The following THSD7B variants were observed in gnomAD, a reference collection of about 807,000 sequenced individuals.
THSD7B encodes thrombospondin type 1 domain containing 7B.
A neutral mutation model predicts 213.6 loss-of-function variants in THSD7B; 138 were observed. The observed-to-expected ratio is 0.65, with a 90% CI of 0.56 to 0.74. The LOEUF (loss-of-function observed/expected upper bound fraction) is 0.74. Ranked by LOEUF, THSD7B falls within the 30% of genes least tolerant of loss-of-function variation. The pLI is 0.00. For synonymous variants in THSD7B, 742 were observed against 687.0 expected (o/e 1.08, Z -1.25); for missense variants, 1,931 against 1,991.5 (o/e 0.97, Z 0.58).
At chr2:137,197,685 C>T (rs1418979892) in intron 7 of THSD7B, among the ~76,000 whole-genome samples, 2 of 152,088 alleles carry the variant, frequency 1.3e-5, no homozygotes, top group East Asian at 1.9e-4. Context: ...TCAGAGAGGA[C>T]AGAAAGAATC....
chr2:137,034,523 C>T lies in THSD7B; in HGVS notation c.140-21897C>T, dbSNP rs115783542. Among the ~76,000 whole-genome samples, 680 of 152,164 alleles carry T rather than the reference C, an allele frequency of 4.5e-3. 3 individuals are homozygous for T. The highest frequency in any genetic ancestry group is 0.015 in the African/African-American group (633 of 41,516). On this transcript the variant is annotated intron_variant, in intron 2 of 27. Transcript: ENST00000409968. ...AAGTGGTTTGCTGCACTTATTAACC[C>T]GTCATCTAGGTTTTAAGCCCTGCAT... is the stretch of plus-strand genomic sequence containing the variant.
In THSD7B at chr2:137,513,111, C is replaced by T. The variant is rs147017897; in HGVS notation, c.3139-50110C>T. 7.0e-4 allele frequency among the ~76,000 whole-genome samples: 106 copies of T among 152,326 alleles called. 1 individual carries two copies. Among genetic ancestry groups the T allele is most frequent in the African/African-American group, 2.4e-3 (99 of 41,582 alleles). On this transcript the variant is annotated intron_variant, in intron 15 of 27. Coordinates refer to ENST00000409968, the MANE Select transcript of THSD7B (RefSeq NM_001316349.2). ...TCAAACTTTATCGCATTAAATAACT[C>T]AGGTTCTCTAAGCCTTTGGGGCGTA...
At chr2:137,218,175 C>T (rs1479806776) in intron 7 of THSD7B, among the ~76,000 whole-genome samples, 1 of 152,034 alleles carries the variant, frequency 6.6e-6, no homozygotes, top group African/African-American at 2.4e-5. Flanking sequence ...ATTTCATGGA[C>T]ATGTTTCTTT....
At chr2:136,972,792 A>G (rs1478226769) in intron 2 of THSD7B, among the ~76,000 whole-genome samples, 1 of 152,176 alleles carries the variant, frequency 6.6e-6, no homozygotes, top group East Asian at 1.9e-4. Context: ...GAGATGTTGT[A>G]AAATCTCAGT....
chr2:137,488,558 G>T (rs1558813344), intron 15 of THSD7B, among the ~76,000 whole-genome samples: 1 of 152,168 alleles, frequency 6.6e-6, no homozygotes, highest in African/African-American at 2.4e-5. Context: ...GAAATTAGAA[G>T]TAGAGGTTCT....
chr2:137,551,004 AAAAT>A (rs1047803863), intron 15 of THSD7B, among the ~76,000 whole-genome samples: 9 of 151,734 alleles, frequency 5.9e-5, no homozygotes, highest in Admixed American at 1.3e-4. Flanking sequence ...TTAAAATATT[AAAAT>A]AAATAAATAA....
intron 12 of THSD7B, among the ~76,000 whole-genome samples, chr2:137,323,074 AC>A (rs1684294933): frequency 6.6e-6 from 1 of 152,168 alleles, no homozygotes; most frequent in African/African-American, 2.4e-5. Flanking sequence ...CAGTCAACAT[AC>A]AGTGTAGTAG....
chr2:137,367,945 G>T (rs1327695128), intron 12 of THSD7B, among the ~76,000 whole-genome samples: 1 of 152,054 alleles, frequency 6.6e-6, no homozygotes, highest in Non-Finnish European at 1.5e-5. Flanking sequence ...GGGGTTTAGG[G>T]ATACAACTAA....
chr2:137,557,226 C>G (rs1431674701), intron 15 of THSD7B, among the ~76,000 whole-genome samples: 1 of 152,186 alleles, frequency 6.6e-6, no homozygotes, highest in Non-Finnish European at 1.5e-5. Flanking sequence ...CACCCCAAAT[C>G]AACAGAATAT....
At chr2:137,092,623 G>T (rs1687969629) in intron 3 of THSD7B, among the ~76,000 whole-genome samples, 1 of 151,930 alleles carries the variant, frequency 6.6e-6, no homozygotes, top group South Asian at 2.1e-4. Context: ...AGTTAGAAAT[G>T]AAACAATTTA....
At chr2:137,196,912 C>G (rs181345908) in intron 7 of THSD7B, among the ~76,000 whole-genome samples, 1 of 152,086 alleles carries the variant, frequency 6.6e-6, no homozygotes, top group Non-Finnish European at 1.5e-5. Flanking sequence ...CAAAGATCAG[C>G]GGTAATAGGG....
intron 4 of THSD7B, among the ~76,000 whole-genome samples, chr2:137,103,792 G>A (rs1425889464): frequency 2.6e-5 from 4 of 151,966 alleles, no homozygotes; most frequent in African/African-American, 2.4e-5. Context: ...TCAAAGAAGG[G>A]CATTACGTAA....
intron 12 of THSD7B, among the ~76,000 whole-genome samples, chr2:137,280,480 G>A (rs910980000): frequency 5.3e-5 from 8 of 152,096 alleles, no homozygotes; most frequent in African/African-American, 1.9e-4. Flanking sequence ...TTGCTGACCT[G>A]TTTAATTGGT....
chr2:136,841,615 G>A, intron 1 of THSD7B, among the ~76,000 whole-genome samples: 1 of 144,592 alleles, frequency 6.9e-6, no homozygotes, highest in African/African-American at 2.6e-5. Context: ...AAAAAAAAGA[G>A]GAAAAGAAAA....
intron 5 of THSD7B, among the ~76,000 whole-genome samples, chr2:137,123,074 C>T (rs557802813): frequency 6.6e-6 from 1 of 152,314 alleles, no homozygotes; most frequent in East Asian, 1.9e-4. Context: ...TGTGAACCTT[C>T]TCACCCTCCT....
chr2:137,433,535 G>T (rs1687230262), intron 14 of THSD7B, among the ~76,000 whole-genome samples: 2 of 151,762 alleles, frequency 1.3e-5, no homozygotes, highest in South Asian at 4.2e-4. Flanking sequence ...TGTATATTTT[G>T]TAGAGACAGG....
chr2:136,772,258 C>T (rs769757347), intron 1 of THSD7B, among the ~76,000 whole-genome samples: 1 of 152,118 alleles, frequency 6.6e-6, no homozygotes, highest in Non-Finnish European at 1.5e-5. Context: ...AACACACACA[C>T]TTACCTACTG....
intron 5 of THSD7B, among the ~76,000 whole-genome samples, chr2:137,154,709 C>A (rs1281031205): frequency 6.6e-6 from 1 of 152,060 alleles, no homozygotes; most frequent in African/African-American, 2.4e-5. Flanking sequence ...ACTCATTTTT[C>A]TTTACAATGG....
chr2:137,183,251 C>T (rs1166200961), intron 7 of THSD7B, among the ~76,000 whole-genome samples: 1 of 152,056 alleles, frequency 6.6e-6, no homozygotes, highest in Non-Finnish European at 1.5e-5. Context: ...CCTTTGTATT[C>T]CCTGTGCACT....
Sources: gnomAD v4.1 joint callset for allele counts (sites outside exome capture counted in the v4.1 genomes callset) on GRCh38, gnomAD v4.1.1 for gene constraint, MANE v1.5 for transcripts, NCBI Gene and HGNC (gene_info 2026-07-23, HGNC 2026-07-21) for gene names.